THSD7B: variants seen among roughly 807,000 people sequenced by gnomAD.
The protein encoded by THSD7B is thrombospondin type 1 domain containing 7B.
In THSD7B, 138 loss-of-function variants were observed where a neutral mutation model predicts 213.6. That is an observed-to-expected ratio of 0.65 (90% CI 0.56 to 0.74). The LOEUF (loss-of-function observed/expected upper bound fraction) is 0.74, where lower values mean the gene tolerates loss of function less well. Among genes scored for constraint, THSD7B ranks in the 30% least tolerant of loss-of-function variants. THSD7B has a pLI of 0.00. For synonymous variants in THSD7B, 742 were observed against 687.0 expected (o/e 1.08, Z -1.25); for missense variants, 1,931 against 1,991.5 (o/e 0.97, Z 0.58).
chr2:137,128,284 T>G (rs986111830), intron 5 of THSD7B, among the ~76,000 whole-genome samples: 1 of 152,236 alleles, frequency 6.6e-6, no homozygotes, highest in African/African-American at 2.4e-5. Flanking sequence ...TGTGATTTAT[T>G]AATCTATTTC....
At chr2:137,318,786 C>CTTTTTTTTTTT (rs70978212) in intron 12 of THSD7B, among the ~76,000 whole-genome samples, 5 of 73,684 alleles carry the variant, frequency 6.8e-5, no homozygotes, top group East Asian at 4.7e-4. Flanking sequence ...GAATGCTTAT[C>CTTTTTTTTTTT]TTTTTTTTTT....
chr2:137,535,326 T>A (rs1244306817), intron 15 of THSD7B, among the ~76,000 whole-genome samples: 1 of 151,706 alleles, frequency 6.6e-6, no homozygotes, highest in African/African-American at 2.4e-5. Flanking sequence ...TATTCATACC[T>A]CCTAGTGACC....
chr2:137,205,414 A>G (rs927376147), intron 7 of THSD7B, among the ~76,000 whole-genome samples: 1 of 152,086 alleles, frequency 6.6e-6, no homozygotes, highest in African/African-American at 2.4e-5. Flanking sequence ...CAGCTGAAAA[A>G]TGTTCAAATA....
At chr2:136,828,137 C>A (rs569560796) in intron 1 of THSD7B, among the ~76,000 whole-genome samples, 2 of 152,166 alleles carry the variant, frequency 1.3e-5, no homozygotes, top group Non-Finnish European at 2.9e-5. Context: ...CCTGACCCCA[C>A]ATGCCACCTG....
intron 15 of THSD7B, among the ~76,000 whole-genome samples, chr2:137,502,268 C>T (rs1656262141): frequency 6.6e-6 from 1 of 150,960 alleles, no homozygotes; most frequent in African/African-American, 2.4e-5. Context: ...GTTAACTATG[C>T]AACATAAATC....
intron 2 of THSD7B, among the ~76,000 whole-genome samples, chr2:137,024,669 C>T (rs1686511721): frequency 6.6e-6 from 1 of 151,890 alleles, no homozygotes; most frequent in South Asian, 2.1e-4. Flanking sequence ...ATAGCCCATG[C>T]CAGGTACTCT....
chr2:136,850,990 G>T (rs950822617), intron 1 of THSD7B, among the ~76,000 whole-genome samples: 33 of 151,996 alleles, frequency 2.2e-4, no homozygotes, highest in Admixed American at 2.6e-4. Flanking sequence ...AGATATTGCT[G>T]CACGATTTTT....
At chr2:137,563,643 C>T (rs1681169452) in intron 16 of THSD7B, among the ~76,000 whole-genome samples, 2 of 152,052 alleles carry the variant, frequency 1.3e-5, no homozygotes, top group South Asian at 2.1e-4. Flanking sequence ...GATTCATGGC[C>T]GTTATTCTTA....
chr2:137,249,785 C>T (rs568807879), intron 10 of THSD7B, among the ~76,000 whole-genome samples: 6 of 152,316 alleles, frequency 3.9e-5, no homozygotes, highest in East Asian at 1.9e-4. Flanking sequence ...CCCACGACAA[C>T]GAGCTACTTG....
At chr2:137,443,694 C>A (rs1687468407) in intron 14 of THSD7B, among the ~76,000 whole-genome samples, 3 of 152,018 alleles carry the variant, frequency 2.0e-5, no homozygotes, top group Admixed American at 2.0e-4. Flanking sequence ...AAAATGAAGT[C>A]TTTTCCTAGG....
At chr2:137,535,426 C>T (rs1353396261) in intron 15 of THSD7B, among the ~76,000 whole-genome samples, 1 of 151,732 alleles carries the variant, frequency 6.6e-6, no homozygotes, top group Non-Finnish European at 1.5e-5. Flanking sequence ...ATTCGAACAC[C>T]TATACCTATT....
chr2:136,895,029 T>C (rs1345730832), intron 2 of THSD7B, among the ~76,000 whole-genome samples: 1 of 152,184 alleles, frequency 6.6e-6, no homozygotes, highest in East Asian at 1.9e-4. Context: ...TGAACAAACC[T>C]GGGTTTGAGC....
At chr2:136,842,797 A>G (rs750293293) in intron 1 of THSD7B, among the ~76,000 whole-genome samples, 1 of 152,200 alleles carries the variant, frequency 6.6e-6, no homozygotes, top group Non-Finnish European at 1.5e-5. Context: ...TCTGACTTTG[A>G]GCAAATAACT....
At chr2:137,650,540 G>A (rs962114489) in intron 21 of THSD7B, among the ~76,000 whole-genome samples, 2 of 152,190 alleles carry the variant, frequency 1.3e-5, no homozygotes, top group Non-Finnish European at 2.9e-5. Flanking sequence ...AGGCTAATTT[G>A]ACGTCTTCCT....
At chr2:137,115,510 T>C (rs1688433581) in intron 5 of THSD7B, among the ~76,000 whole-genome samples, 1 of 152,172 alleles carries the variant, frequency 6.6e-6, no homozygotes, top group South Asian at 2.1e-4. Context: ...CAAGAGTCAC[T>C]GTGAAAGTTA....
chr2:137,378,132 T>C (rs914822487), intron 12 of THSD7B, among the ~76,000 whole-genome samples: 1 of 152,160 alleles, frequency 6.6e-6, no homozygotes, highest in African/African-American at 2.4e-5. Context: ...GGATCACTGA[T>C]CTATTAAAAA....
intron 15 of THSD7B, among the ~76,000 whole-genome samples, chr2:137,458,961 G>T (rs1307356811): frequency 1.4e-5 from 2 of 142,180 alleles, no homozygotes; most frequent in Non-Finnish European, 3.2e-5. Context: ...TTTTCAAACT[G>T]ATATCTTATC....
intron 3 of THSD7B, among the ~76,000 whole-genome samples, chr2:137,075,695 T>C (rs889101201): frequency 6.6e-5 from 10 of 152,134 alleles, no homozygotes. Flanking sequence ...TTCTGCTCTG[T>C]GTTTTTCCCA....
chr2:137,676,900 T>G lies in THSD7B; in HGVS notation c.*295T>G. 1 of 259,736 alleles carries G rather than the reference T, an allele frequency of 3.9e-6. No homozygotes were observed. The highest frequency in any genetic ancestry group is 9.1e-5 in the South Asian group (1 of 10,944). The allele number at this position is 259,736 out of a possible 1,614,324, so 16.1% of individuals were successfully genotyped here. ...TGGGAGGAAGAAAACATGATGGAAT[T>G]CCCACAGACTTGAGTAAACTTGATC... On this transcript the variant is annotated 3_prime_UTR_variant, in exon 28 of 28. Transcript: ENST00000409968.
Sources: allele counts gnomAD v4.1 joint callset (sites outside exome capture counted in the v4.1 genomes callset), GRCh38; gene constraint gnomAD v4.1.1; transcripts MANE v1.5; gene names NCBI Gene and HGNC (gene_info 2026-07-23, HGNC 2026-07-21).